Variants in KCNJ6 observed in about 807,000 individuals in gnomAD.
KCNJ6 encodes the protein potassium inwardly rectifying channel subfamily J member 6.
Under a neutral mutation model 34.2 loss-of-function variants are expected in KCNJ6, and 9 were observed. The observed-to-expected ratio is 0.26, with a 90% CI of 0.16 to 0.46. The LOEUF (loss-of-function observed/expected upper bound fraction) is 0.46. KCNJ6 is among the 20% of genes least tolerant of loss of function. The probability of loss-of-function intolerance (pLI) is 1.00; values close to 1 mark genes in which losing one functional copy is unlikely to be tolerated. For missense variants in KCNJ6, 236 were observed against 531.3 expected, an observed-to-expected ratio of 0.44 and a Z score of 5.46; for synonymous variants, 196 against 207.1, an observed-to-expected ratio of 0.95 and a Z score of 0.46.
At chr21:37,889,002 C>T (rs1321651327) in intron 1 of KCNJ6, among the ~76,000 whole-genome samples, 1 of 152,216 alleles carries the variant, frequency 6.6e-6, no homozygotes, top group African/African-American at 2.4e-5. Context: ...CTCCACCTGA[C>T]ACCATAAGGC....
chr21:37,900,260 A>T (rs1037802943), intron 1 of KCNJ6, among the ~76,000 whole-genome samples: 3 of 152,222 alleles, frequency 2.0e-5, no homozygotes, highest in African/African-American at 7.2e-5. Context: ...AGCACTGTTT[A>T]CAACAACAAA....
intron 2 of KCNJ6, among the ~76,000 whole-genome samples, chr21:37,757,718 A>T (rs1483172884): frequency 2.6e-5 from 4 of 151,492 alleles, no homozygotes; most frequent in South Asian, 4.2e-4. Flanking sequence ...CGGAGTGAGC[A>T]CTCCCTCACA....
intron 3 of KCNJ6, among the ~76,000 whole-genome samples, chr21:37,687,109 G>T (rs568399289): frequency 6.6e-6 from 1 of 152,238 alleles, no homozygotes; most frequent in East Asian, 1.9e-4. Flanking sequence ...AAAGGCCCCA[G>T]GCCCTTGGAG....
At chr21:37,845,067 C>A (rs182009969) in intron 1 of KCNJ6, among the ~76,000 whole-genome samples, 210 of 152,202 alleles carry the variant, frequency 1.4e-3, no homozygotes, top group Non-Finnish European at 1.5e-3. Context: ...TGTTTTCTGC[C>A]CCGTCCCCCA....
At chr21:37,864,635 T>C (rs2055612918) in intron 1 of KCNJ6, among the ~76,000 whole-genome samples, 1 of 152,198 alleles carries the variant, frequency 6.6e-6, no homozygotes, top group African/African-American at 2.4e-5. Flanking sequence ...GTGGAGGGAC[T>C]CAGGCCCTTC....
intron 3 of KCNJ6, among the ~76,000 whole-genome samples, chr21:37,702,321 T>C (rs1042683166): frequency 2.8e-4 from 42 of 150,688 alleles, no homozygotes; most frequent in African/African-American, 9.8e-4. Context: ...CAGTTGAACG[T>C]CACGGCCTCC....
intron 2 of KCNJ6, among the ~76,000 whole-genome samples, chr21:37,766,126 C>T (rs564650556): frequency 1.7e-4 from 26 of 152,292 alleles, no homozygotes; most frequent in Non-Finnish European, 2.5e-4. Context: ...TCCCACACAA[C>T]ATGTTCATGA....
intron 1 of KCNJ6, among the ~76,000 whole-genome samples, chr21:37,870,057 A>C (rs1445749995): frequency 6.6e-6 from 1 of 152,240 alleles, no homozygotes; most frequent in Non-Finnish European, 1.5e-5. Context: ...AGGAGAAAGG[A>C]GAACACACTT....
At chr21:37,809,950 C>G (rs1395969765) in intron 2 of KCNJ6, among the ~76,000 whole-genome samples, 1 of 152,254 alleles carries the variant, frequency 6.6e-6, no homozygotes, top group Non-Finnish European at 1.5e-5. Context: ...ACCCCTGTCA[C>G]TGGACTTTAT....
intron 1 of KCNJ6, among the ~76,000 whole-genome samples, chr21:37,906,934 TG>T (rs1368375197): frequency 1.3e-5 from 2 of 152,178 alleles, no homozygotes; most frequent in African/African-American, 4.8e-5. Context: ...GGTGAGACCT[TG>T]GGAGACAGCT....
At chr21:37,627,096 G>A (rs146126341) in intron 3 of KCNJ6, among the ~76,000 whole-genome samples, 168 of 152,216 alleles carry the variant, frequency 1.1e-3, no homozygotes, top group African/African-American at 3.9e-3. Context: ...TTACACAGAA[G>A]GATCCAGAGC....
intron 3 of KCNJ6, among the ~76,000 whole-genome samples, chr21:37,649,071 T>G (rs1394255618): frequency 7.4e-6 from 1 of 135,902 alleles, no homozygotes; most frequent in Non-Finnish European, 1.5e-5. Flanking sequence ...AGGTGGAGGC[T>G]GCAGAGTGCT....
At chr21:37,787,138 A>G (rs2055196530) in intron 2 of KCNJ6, among the ~76,000 whole-genome samples, 1 of 152,220 alleles carries the variant, frequency 6.6e-6, no homozygotes, top group Non-Finnish European at 1.5e-5. Flanking sequence ...AATAGTTTAA[A>G]AAAAACAACA....
At chr21:37,866,609 G>A (rs540266674) in intron 1 of KCNJ6, among the ~76,000 whole-genome samples, 3 of 140,634 alleles carry the variant, frequency 2.1e-5, no homozygotes, top group African/African-American at 8.1e-5. Context: ...CTGCCTACTG[G>A]CAACTGGGGA....
intron 2 of KCNJ6, among the ~76,000 whole-genome samples, chr21:37,792,958 G>A (rs2123523405): frequency 6.6e-6 from 1 of 152,270 alleles, no homozygotes; most frequent in East Asian, 1.9e-4. Flanking sequence ...AGGTGAGTCA[G>A]TAAGCCATGA....
intron 2 of KCNJ6, among the ~76,000 whole-genome samples, chr21:37,806,032 T>G (rs1038397564): frequency 6.6e-6 from 1 of 152,236 alleles, no homozygotes; most frequent in Non-Finnish European, 1.5e-5. Context: ...AGGAAACTAA[T>G]ATAGCGTTCT....
At chr21:37,840,493 G>A (rs1161448812) in intron 2 of KCNJ6, among the ~76,000 whole-genome samples, 165 bp downstream of exon 2, 2 of 152,188 alleles carry the variant, frequency 1.3e-5, no homozygotes, top group African/African-American at 4.8e-5. Context: ...TCCAAATAAC[G>A]CATAAAGTAA....
chr21:37,708,518 G>C (rs1457772791), intron 3 of KCNJ6, among the ~76,000 whole-genome samples: 1 of 152,166 alleles, frequency 6.6e-6, no homozygotes, highest in African/African-American at 2.4e-5. Context: ...AAAGAAAGGA[G>C]AGCTGGATTT....
At chr21:37,649,159 GAAAA>G (rs2054420750) in intron 3 of KCNJ6, among the ~76,000 whole-genome samples, 1 of 111,238 alleles carries the variant, frequency 9.0e-6, no homozygotes, top group Non-Finnish European at 1.9e-5. Context: ...AAAAAAGAAA[GAAAA>G]AGAAAGGGAG....
Sources: allele counts gnomAD v4.1 joint callset (sites outside exome capture counted in the v4.1 genomes callset), GRCh38; gene constraint gnomAD v4.1.1; transcripts MANE v1.5; gene names NCBI Gene and HGNC (gene_info 2026-07-23, HGNC 2026-07-21).